The following ITPR1 variants were observed in gnomAD, a reference collection of about 807,000 sequenced individuals.
ITPR1 encodes inositol 1,4,5-trisphosphate-gated calcium channel ITPR1.
A neutral mutation model predicts 318.4 loss-of-function variants in ITPR1; 96 were observed. That is an observed-to-expected ratio of 0.30 (90% CI 0.26 to 0.36). The LOEUF is 0.36. ITPR1 is among the 10% of genes least tolerant of loss of function. The pLI, the probability that ITPR1 is intolerant of heterozygous loss-of-function variation, is 1.00. For synonymous variants in ITPR1, 1,312 were observed against 1,289.9 expected, an observed-to-expected ratio of 1.02 and a Z score of -0.37; for missense variants, 2,440 against 3,460.2, an observed-to-expected ratio of 0.71 and a Z score of 7.40.
Position 4,590,653 on chromosome 3 carries a change from A to T in ITPR1, c.164-37110A>T, listed in dbSNP as rs2639807. Among the ~76,000 whole-genome samples the T allele has an allele frequency of 7.5e-3, 1,144 of 152,042 alleles. 21 individuals carry two copies. The highest frequency in any genetic ancestry group is 0.025 in the African/African-American group (1,051 of 41,460). On this transcript the variant is annotated intron_variant, in intron 4 of 61. Transcript: ENST00000649015. ...GACCTTGAACTCCTGAGCTCAAGCGATCCTCTTGAATAGCTGGGACTACAG... is the reference window on the plus strand; with the variant it reads ...GACCTTGAACTCCTGAGCTCAAGCGTTCCTCTTGAATAGCTGGGACTACAG...
intron 37 of ITPR1, among the ~76,000 whole-genome samples, chr3:4,707,316 T>G (rs2094779686): frequency 6.6e-6 from 1 of 152,222 alleles, no homozygotes; most frequent in Non-Finnish European, 1.5e-5. Context: ...AGTCAGATAG[T>G]GACTGCGGTT....
intron 4 of ITPR1, among the ~76,000 whole-genome samples, chr3:4,545,622 CAAAAA>C (rs56829358): frequency 1.5e-5 from 1 of 68,732 alleles, no homozygotes; most frequent in Non-Finnish European, 3.1e-5. Context: ...GACCCGGTCT[CAAAAA>C]AAAAAAAAAA....
Position 4,668,258 on chromosome 3 carries a change from C to A in ITPR1, c.1886+709C>A, listed in dbSNP as rs182410360. 4.6e-4 allele frequency among the ~76,000 whole-genome samples: 69 copies of A among 151,180 alleles called. 1 individual carries two copies. In the East Asian group the frequency reaches 9.9e-3, roughly 22 times the overall value. On this transcript the variant is annotated intron_variant, in intron 18 of 61. Coordinates refer to ENST00000649015, the MANE Select transcript of ITPR1 (RefSeq NM_001378452.1). ...TTACCTGTTAACATCCCCACCTCCC[C>A]CCTGCCCTCCCACTATCTTTCCCAG...
At chr3:4,621,471 C>A (rs751689242) in intron 4 of ITPR1, among the ~76,000 whole-genome samples, 2 of 152,300 alleles carry the variant, frequency 1.3e-5, no homozygotes, top group Non-Finnish European at 2.9e-5. Flanking sequence ...CCCTCCAGGC[C>A]CACCTCCAAA....
chr3:4,644,875 C>T (rs1229365328), intron 8 of ITPR1, among the ~76,000 whole-genome samples: 1 of 152,122 alleles, frequency 6.6e-6, no homozygotes, highest in Non-Finnish European at 1.5e-5. Context: ...GGCGGTCGGA[C>T]CTATTTTTCA....
At chr3:4,684,116 G>C (rs2125233780) in intron 28 of ITPR1, among the ~76,000 whole-genome samples, 165 bp from the exon 29 acceptor site, 1 of 152,312 alleles carries the variant, frequency 6.6e-6, no homozygotes, top group African/African-American at 2.4e-5. Flanking sequence ...CCCTTCCCAA[G>C]GAAACCCATA....
At chr3:4,570,459 G>A (rs2087858671) in intron 4 of ITPR1, among the ~76,000 whole-genome samples, 1 of 152,334 alleles carries the variant, frequency 6.6e-6, no homozygotes, top group Middle Eastern at 3.4e-3. Context: ...GATGAATGAT[G>A]TTTTTATGCT....
chr3:4,834,402 T>C (rs527674168), intron 60 of ITPR1, among the ~76,000 whole-genome samples: 16 of 152,310 alleles, frequency 1.1e-4, no homozygotes, highest in Non-Finnish European at 2.9e-5. Context: ...CAATTTGTTT[T>C]CCTCAATTGA....
At chr3:4,813,523 T>G (rs1310720279) in intron 57 of ITPR1, among the ~76,000 whole-genome samples, 1 of 152,060 alleles carries the variant, frequency 6.6e-6, no homozygotes, top group East Asian at 1.9e-4. Context: ...CAAATGGTGA[T>G]TGCTAGAGAG....
intron 20 of ITPR1, 150 bp from the exon 21 acceptor site, chr3:4,672,986 C>T: frequency 1.3e-6 from 1 of 761,168 alleles, no homozygotes; most frequent in South Asian, 2.2e-5. Context: ...AGCCAAAATC[C>T]TGGTATACAA....
In ITPR1 at chr3:4,680,581, G is replaced by C; in HGVS notation, c.2996G>C (p.Arg999Thr). The C allele has an allele frequency of 6.2e-7, 1 of 1,613,098 alleles. No individual in the cohort carries two copies. The highest frequency in any genetic ancestry group is 8.5e-7 in the Non-Finnish European group (1 of 1,179,152). ...QFILNVRLDY[R>T]ISCLLCIFKR... Reference sequence around the variant, plus strand: ...ATTTTGAATGTGAGGTTGGATTATAGGATCTCCTGCCTCCTGTGTATATTT... The same window carrying C: ...ATTTTGAATGTGAGGTTGGATTATACGATCTCCTGCCTCCTGTGTATATTT... The change falls in exon 25 of 62, where the codon AGG becomes ACG. Residue 999 changes from arginine (R) to threonine (T), a missense_variant. This residue lies in a region of ITPR1 where 57 missense variants were observed against 46.2 expected (regional missense o/e 1.23). Coordinates refer to ENST00000649015, the MANE Select transcript of ITPR1 (RefSeq NM_001378452.1).
intron 10 of ITPR1, among the ~76,000 whole-genome samples, chr3:4,646,287 G>T (rs2093455628): frequency 6.6e-6 from 1 of 152,228 alleles, no homozygotes; most frequent in Non-Finnish European, 1.5e-5. Flanking sequence ...GTGAGAGAGG[G>T]TGAATGTCTG....
chr3:4,816,985 C>A (rs1197529364), intron 59 of ITPR1, among the ~76,000 whole-genome samples: 1 of 152,164 alleles, frequency 6.6e-6, no homozygotes, highest in Non-Finnish European at 1.5e-5. Flanking sequence ...GTATTTGTAA[C>A]TACATGGACT....
intron 4 of ITPR1, among the ~76,000 whole-genome samples, chr3:4,523,200 C>CTAT (rs2082700352): frequency 6.6e-6 from 1 of 152,170 alleles, no homozygotes; most frequent in Non-Finnish European, 1.5e-5. Flanking sequence ...TTATCTTGTT[C>CTAT]TATATACGGG....
intron 36 of ITPR1, 133 bp from the exon 37 acceptor site, chr3:4,706,034 A>T: frequency 2.5e-6 from 2 of 806,184 alleles, no homozygotes; most frequent in Non-Finnish European, 3.9e-6. Flanking sequence ...CTCAGTCTTT[A>T]AGCTCAATAC....
chr3:4,820,379 C>T (rs10154928), intron 60 of ITPR1, among the ~76,000 whole-genome samples: 7 of 152,160 alleles, frequency 4.6e-5, no homozygotes, highest in Non-Finnish European at 8.8e-5. Context: ...CTTCCAGGGG[C>T]CAGTTTTGAA....
intron 44 of ITPR1, among the ~76,000 whole-genome samples, chr3:4,738,185 C>A (rs1238939593): frequency 6.6e-6 from 1 of 151,758 alleles, no homozygotes; most frequent in African/African-American, 2.4e-5. Flanking sequence ...ATGTAACCTG[C>A]AATTGCAACC....
chr3:4,526,398 G>A lies in ITPR1; in HGVS notation c.163+5304G>A, dbSNP rs144074862. 8.2e-3 allele frequency among the ~76,000 whole-genome samples: 1,245 copies of A among 152,288 alleles called. 12 individuals are homozygous for A. Among genetic ancestry groups the A allele is most frequent in the African/African-American group, 0.027 (1,141 of 41,552 alleles). On this transcript the variant is annotated intron_variant, in intron 4 of 61. Coordinates refer to ENST00000649015, the MANE Select transcript of ITPR1 (RefSeq NM_001378452.1). Reference sequence around the variant, plus strand: ...ACATTTCTCTTTCCCAGTGAAGTTGGTTTCAAGCATCATAGTCTAATCTAA... The same window carrying A: ...ACATTTCTCTTTCCCAGTGAAGTTGATTTCAAGCATCATAGTCTAATCTAA...
In ITPR1 at chr3:4,777,333, C is replaced by T; in HGVS notation, c.6250C>T (p.Pro2084Ser). Residue 2084 changes from proline to serine, a missense_variant, in exon 48 of 62, where the codon CCT (proline) becomes TCT (serine). Pro to Ser is a moderately conservative substitution (Grantham distance 74). This residue lies in a region of ITPR1 where 76 missense variants were observed against 162.1 expected (regional missense o/e 0.47). Transcript: ENST00000649015. ...AGCCCTGATCCTCAATGATATCAAT[C>T]CTTTGGGAAAGAAGAGGATGGACCT... is the stretch of plus-strand genomic sequence containing the variant. ...ITALILNDIN[P>S]LGKKRMDLVL... The T allele has an allele frequency of 6.2e-7, 1 of 1,606,494 alleles. No homozygotes were observed. The highest frequency in any genetic ancestry group is 8.5e-7 in the Non-Finnish European group (1 of 1,176,186).
Sources: allele counts gnomAD v4.1 joint callset (sites outside exome capture counted in the v4.1 genomes callset), GRCh38; gene constraint gnomAD v4.1.1; regional missense constraint gnomAD v4.1.1; transcripts MANE v1.5; gene names NCBI Gene and HGNC (gene_info 2026-07-23, HGNC 2026-07-21).